Variants in RBFOX3 observed in about 807,000 individuals in gnomAD.
RBFOX3 encodes RNA binding fox-1 homolog 3, also known as RNA binding protein fox-1 homolog 3.
A neutral mutation model predicts 48.7 loss-of-function variants in RBFOX3; 17 were observed. The observed-to-expected ratio is 0.35, with a 90% CI of 0.24 to 0.52. The LOEUF is 0.52. Among genes scored for constraint, RBFOX3 ranks in the 20% least tolerant of loss-of-function variants. RBFOX3 has a pLI of 0.94. For synonymous variants in RBFOX3, 212 were observed against 209.5 expected (o/e 1.01, Z -0.10); for missense variants, 382 against 497.5 (o/e 0.77, Z 2.21).
chr17:79,626,241 A>ATCT, the RBFOX3 span, among the ~76,000 whole-genome samples: 3 of 152,088 alleles, frequency 2.0e-5, no homozygotes, highest in African/African-American at 7.2e-5. Context: ...AAAAGTTAGC[A>ATCT]TCTTCTAGCA....
intron 4 of RBFOX3, among the ~76,000 whole-genome samples, chr17:79,123,228 AC>A (rs1438323934): frequency 6.6e-6 from 1 of 152,248 alleles, no homozygotes; most frequent in Non-Finnish European, 1.5e-5. Flanking sequence ...ATTGTGTGTA[AC>A]AGAAAGGATA....
chr17:79,555,342 AGTT>A lies in RBFOX3; in HGVS notation c.-320+55481_-320+55483del, dbSNP rs2091561448. ...TGGTGGTGATGGTGGTGATGATGGT[AGTT>A]GTGGTGGTGGTGATGGTGGTGATGA... On this transcript the variant is annotated intron_variant, in intron 1 of 14. Transcript: ENST00000693108. 2.6e-5 allele frequency among the ~76,000 whole-genome samples: 2 copies of A among 75,746 alleles called. 1 individual carries two copies. Among genetic ancestry groups the A allele is most frequent in the African/African-American group, 1.2e-4 (2 of 16,834 alleles). The allele number at this position is 75,746 out of a possible 152,430, so 49.7% of individuals were successfully genotyped here.
At chr17:79,356,832 T>A (rs1416270380) in intron 2 of RBFOX3, among the ~76,000 whole-genome samples, 2 of 152,174 alleles carry the variant, frequency 1.3e-5, no homozygotes, top group Admixed American at 6.5e-5. Flanking sequence ...ACCTTGCAGT[T>A]ACAAAGGTGT....
At chr17:79,295,448 C>T (rs2074180701) in intron 3 of RBFOX3, among the ~76,000 whole-genome samples, 1 of 152,156 alleles carries the variant, frequency 6.6e-6, no homozygotes, top group Admixed American at 6.5e-5. Flanking sequence ...GCCTTGGTGG[C>T]TCTGTCCACT....
chr17:79,653,860 T>C, the RBFOX3 span, among the ~76,000 whole-genome samples: 1 of 129,396 alleles, frequency 7.7e-6, no homozygotes, highest in African/African-American at 3.0e-5. Context: ...CTAGGCAACA[T>C]AGCAGGACCC....
rs2064430542 is a variant in RBFOX3 at position 79,254,317 on chromosome 17, C to T, written c.-73-18512G>A. Reference sequence around the variant, plus strand: ...TTCCTGCCTCGTTCAGAACCCTGCCCACCCCGCAACCCCCAGGTGGCAGCA... The same window carrying T: ...TTCCTGCCTCGTTCAGAACCCTGCCTACCCCGCAACCCCCAGGTGGCAGCA... On this transcript the variant is annotated intron_variant, in intron 3 of 14. Transcript: ENST00000693108. The surrounding 1 kb of genome is among the most constrained non-coding windows in gnomAD (Gnocchi z 4.8). 6.6e-6 allele frequency among the ~76,000 whole-genome samples: 1 copy of T among 152,158 alleles called. No individual in the cohort carries two copies. Among genetic ancestry groups the T allele is most frequent in the Non-Finnish European group, 1.5e-5 (1 of 68,022 alleles).
At chr17:79,207,000 C>T (rs1201538962) in intron 4 of RBFOX3, among the ~76,000 whole-genome samples, 1 of 152,186 alleles carries the variant, frequency 6.6e-6, no homozygotes, top group African/African-American at 2.4e-5. Context: ...TTGTCTCAAA[C>T]TCTGCTTTGG....
intron 2 of RBFOX3, among the ~76,000 whole-genome samples, chr17:79,463,598 A>G (rs562102942): frequency 6.0e-4 from 65 of 108,452 alleles, no homozygotes; most frequent in Non-Finnish European, 1.1e-3. Flanking sequence ...CACCTCCACC[A>G]CCATCGCCAC....
At chr17:79,549,692 G>A (rs1555793032) in intron 1 of RBFOX3, among the ~76,000 whole-genome samples, 1 of 152,180 alleles carries the variant, frequency 6.6e-6, no homozygotes, top group South Asian at 2.1e-4. Flanking sequence ...GGCACAGCAG[G>A]TGCTGCTCCC....
At chr17:79,537,719 G>A (rs1301626143) in intron 1 of RBFOX3, among the ~76,000 whole-genome samples, 5 of 152,086 alleles carry the variant, frequency 3.3e-5, no homozygotes, top group Non-Finnish European at 5.9e-5. Flanking sequence ...CCTCTCCCCA[G>A]TCCCCCAAGG....
intron 11 of RBFOX3, among the ~76,000 whole-genome samples, 152 bp downstream of exon 11, chr17:79,097,140 C>A (rs1267369253): frequency 2.0e-5 from 3 of 151,928 alleles, no homozygotes; most frequent in Non-Finnish European, 4.4e-5. Flanking sequence ...ATGGAGGCAG[C>A]TGCAGGGCTG....
At chr17:79,489,757 T>G (rs1042215205) in intron 1 of RBFOX3, among the ~76,000 whole-genome samples, 1 of 152,154 alleles carries the variant, frequency 6.6e-6, no homozygotes, top group Admixed American at 6.5e-5. Context: ...TACACTAGCT[T>G]CTCCCTGGGT....
intron 4 of RBFOX3, among the ~76,000 whole-genome samples, chr17:79,210,801 A>C (rs2058277676): frequency 6.6e-6 from 1 of 152,100 alleles, no homozygotes; most frequent in Non-Finnish European, 1.5e-5. Flanking sequence ...AGGAGCTCCC[A>C]AACACAATGA....
intron 5 of RBFOX3, among the ~76,000 whole-genome samples, chr17:79,114,376 G>A (rs903237016): frequency 6.6e-6 from 1 of 152,202 alleles, no homozygotes; most frequent in African/African-American, 2.4e-5. Context: ...TCTCGGGGCA[G>A]ATTCGGGCTG....
rs371336166 is a variant in RBFOX3, at chr17:79,154,984, G to A, written c.-33-39236C>T. 5.9e-5 allele frequency among the ~76,000 whole-genome samples: 9 copies of A among 152,274 alleles called. No individual in the cohort carries two copies. In the East Asian group the frequency reaches 9.7e-4, roughly 16 times the overall value. ...CAGGTGGCGCTGGCAGCCCAGCCTCGGCGTCTGAGGAAGGGGTGGCAGCCG... is the reference window on the plus strand; with the variant it reads ...CAGGTGGCGCTGGCAGCCCAGCCTCAGCGTCTGAGGAAGGGGTGGCAGCCG... On this transcript the variant is annotated intron_variant, in intron 4 of 14. Transcript: ENST00000693108.
At chr17:79,475,405 G>A (rs1342305307) in intron 2 of RBFOX3, among the ~76,000 whole-genome samples, 1 of 152,158 alleles carries the variant, frequency 6.6e-6, no homozygotes, top group Non-Finnish European at 1.5e-5. Flanking sequence ...GAGGGTCAGG[G>A]GACACCTCAG....
At position 79,195,426 on chromosome 17, in the gene RBFOX3, A is replaced by T. The variant is rs1030913749; in HGVS notation, c.-34+40340T>A. Among the ~76,000 whole-genome samples the T allele has an allele frequency of 3.9e-5, 6 of 151,974 alleles. No homozygotes were observed. The highest frequency in any genetic ancestry group is 1.2e-4 in the African/African-American group (5 of 41,384). On this transcript the variant is annotated intron_variant, in intron 4 of 14. Coordinates refer to ENST00000693108, the MANE Select transcript of RBFOX3 (RefSeq NM_001350451.2). The surrounding 1 kb of genome is among the most constrained non-coding windows in gnomAD (Gnocchi z 5.3). ...TGAAAAAAAAAAAGAAGAAGAAGAA[A>T]TGCAAAATGCAAAGCCAACTGGGTC...
At chr17:79,512,821 C>T (rs1727693566) in intron 1 of RBFOX3, among the ~76,000 whole-genome samples, 1 of 147,322 alleles carries the variant, frequency 6.8e-6, no homozygotes, top group Non-Finnish European at 1.5e-5. Context: ...GGACGCACAC[C>T]CGGATACGTG....
rs977946957 is a variant in RBFOX3, at chr17:79,361,916, T to C, written c.-174-54092A>G. ...CATTAAAACTTCAATAAAAATGTTA[T>C]AAAAATGTCTTATTTTGGTAGTTAA... On this transcript the variant is annotated intron_variant, in intron 2 of 14. Coordinates refer to ENST00000693108, the MANE Select transcript of RBFOX3 (RefSeq NM_001350451.2). The surrounding 1 kb of genome is among the most constrained non-coding windows in gnomAD (Gnocchi z 4.5). 6.6e-6 allele frequency among the ~76,000 whole-genome samples: 1 copy of C among 152,256 alleles called. No homozygotes were observed. Among genetic ancestry groups the C allele is most frequent in the Non-Finnish European group, 1.5e-5 (1 of 68,046 alleles).
Sources: gnomAD v4.1 joint callset for allele counts (sites outside exome capture counted in the v4.1 genomes callset) on GRCh38, gnomAD v4.1.1 for gene constraint, Gnocchi (gnomAD v3.1) non-coding constraint, MANE v1.5 for transcripts, NCBI Gene and HGNC (gene_info 2026-07-23, HGNC 2026-07-21) for gene names.